Variants in CNTNAP2 observed in about 807,000 individuals in gnomAD.
CNTNAP2 encodes contactin associated protein 2.
In CNTNAP2, 98 loss-of-function variants were observed where a neutral mutation model predicts 155.2. The observed-to-expected ratio is 0.63, with a 90% CI of 0.54 to 0.75. The LOEUF (loss-of-function observed/expected upper bound fraction) is 0.75, where lower values mean the gene tolerates loss of function less well. CNTNAP2 is among the 30% of genes least tolerant of loss of function. The pLI is 0.00. For synonymous variants in CNTNAP2, 651 were observed against 631.2 expected, an observed-to-expected ratio of 1.03 and a Z score of -0.47; for missense variants, 1,727 against 1,688.1, an observed-to-expected ratio of 1.02 and a Z score of -0.40.
At chr7:147,481,656 G>A (rs1798424766) in intron 10 of CNTNAP2, among the ~76,000 whole-genome samples, 2 of 152,180 alleles carry the variant, frequency 1.3e-5, no homozygotes, top group African/African-American at 4.8e-5. Context: ...CTGGAACTAA[G>A]TATGAGTTCG....
chr7:146,182,232 G>A (rs1798559657), intron 1 of CNTNAP2, among the ~76,000 whole-genome samples: 2 of 152,094 alleles, frequency 1.3e-5, no homozygotes, highest in Non-Finnish European at 2.9e-5. Context: ...CTAGAGACAA[G>A]AGAATCTTTT....
At chr7:147,806,002 G>T (rs1798083455) in intron 13 of CNTNAP2, among the ~76,000 whole-genome samples, 2 of 152,124 alleles carry the variant, frequency 1.3e-5, no homozygotes, top group African/African-American at 4.8e-5. Flanking sequence ...TGGAGAAGTA[G>T]GATTACATCA....
chr7:147,351,778 C>T (rs1359444077), intron 9 of CNTNAP2, among the ~76,000 whole-genome samples: 1 of 151,796 alleles, frequency 6.6e-6, no homozygotes, highest in Non-Finnish European at 1.5e-5. Context: ...AAAAGGAAAG[C>T]TTCAAAGCTA....
chr7:147,259,451 A>G (rs1255812160), intron 8 of CNTNAP2, among the ~76,000 whole-genome samples: 2 of 152,252 alleles, frequency 1.3e-5, no homozygotes, highest in East Asian at 1.9e-4. Flanking sequence ...TGACAATGAC[A>G]TCAAGAAAAA....
chr7:147,370,384 C>T (rs1563178904), intron 9 of CNTNAP2, among the ~76,000 whole-genome samples: 1 of 152,284 alleles, frequency 6.6e-6, no homozygotes, highest in East Asian at 1.9e-4. Flanking sequence ...ACCCTTTGCA[C>T]ATCAGTCGTT....
At chr7:147,007,390 ATCTG>A (rs1448888690) in intron 3 of CNTNAP2, among the ~76,000 whole-genome samples, 3 of 152,030 alleles carry the variant, frequency 2.0e-5, no homozygotes, top group South Asian at 4.1e-4. Context: ...CTTTCCTGCT[ATCTG>A]TCTGTCTATC....
intron 3 of CNTNAP2, among the ~76,000 whole-genome samples, chr7:147,040,451 A>AT (rs34880534): frequency 0.015 from 1,219 of 80,864 alleles, 74 homozygotes; most frequent in East Asian, 0.06. Flanking sequence ...TTAAGAGTGA[A>AT]TTTTTTTTTT....
intron 15 of CNTNAP2, among the ~76,000 whole-genome samples, chr7:148,004,425 A>C (rs1036318702): frequency 6.6e-6 from 1 of 152,236 alleles, no homozygotes; most frequent in African/African-American, 2.4e-5. Context: ...TATTAATAAG[A>C]AAAGCTCAAT....
intron 10 of CNTNAP2, among the ~76,000 whole-genome samples, chr7:147,396,394 C>T (rs898406514): frequency 3.3e-5 from 5 of 151,442 alleles, no homozygotes; most frequent in African/African-American, 7.3e-5. Context: ...TTCCAAAACC[C>T]GCTTCTGAAA....
chr7:147,724,096 T>C (rs1796606172), intron 13 of CNTNAP2, among the ~76,000 whole-genome samples: 1 of 151,976 alleles, frequency 6.6e-6, no homozygotes, highest in Admixed American at 6.6e-5. Flanking sequence ...ATAATAATAA[T>C]AATGAGGCTA....
At chr7:148,350,867 C>T (rs181851123) in intron 21 of CNTNAP2, among the ~76,000 whole-genome samples, 82 of 152,212 alleles carry the variant, frequency 5.4e-4, no homozygotes, top group Non-Finnish European at 1.1e-3. Flanking sequence ...GTGAGGTGTC[C>T]CCAGCCCTTT....
At chr7:147,014,983 T>G (rs1447321023) in intron 3 of CNTNAP2, among the ~76,000 whole-genome samples, 1 of 152,106 alleles carries the variant, frequency 6.6e-6, no homozygotes, top group Non-Finnish European at 1.5e-5. Context: ...CAAAATGTCA[T>G]ATAAAAGTTA....
At chr7:146,425,401 C>T (rs568030202) in intron 1 of CNTNAP2, among the ~76,000 whole-genome samples, 1 of 152,218 alleles carries the variant, frequency 6.6e-6, no homozygotes, top group African/African-American at 2.4e-5. Context: ...TCTTAAAAAC[C>T]CCTTTCCAAT....
At chr7:147,429,446 G>T (rs2116525069) in intron 10 of CNTNAP2, among the ~76,000 whole-genome samples, 1 of 151,768 alleles carries the variant, frequency 6.6e-6, no homozygotes, top group Non-Finnish European at 1.5e-5. Context: ...TTTTTTTCTT[G>T]TTGATTTGAG....
At chr7:147,992,087 C>CTTTTTTTTTT (rs36015914) in intron 15 of CNTNAP2, among the ~76,000 whole-genome samples, 7 of 72,774 alleles carry the variant, frequency 9.6e-5, no homozygotes, top group African/African-American at 1.7e-4. Flanking sequence ...ATTACTACCT[C>CTTTTTTTTTT]TTTTTTTTTT....
chr7:147,498,358 G>A (rs1342077006), intron 11 of CNTNAP2, among the ~76,000 whole-genome samples: 1 of 152,100 alleles, frequency 6.6e-6, no homozygotes, highest in African/African-American at 2.4e-5. Context: ...CACTGCTTAT[G>A]ACCTATTTTC....
chr7:148,296,369 G>A (rs916473175), intron 21 of CNTNAP2, among the ~76,000 whole-genome samples: 4 of 149,786 alleles, frequency 2.7e-5, no homozygotes, highest in South Asian at 2.1e-4. Flanking sequence ...GACCCCCCCC[G>A]CCCACCATCT....
chr7:147,322,174 C>T (rs141946654), intron 9 of CNTNAP2, among the ~76,000 whole-genome samples: 1 of 152,260 alleles, frequency 6.6e-6, no homozygotes, highest in East Asian at 1.9e-4. Context: ...AGGCCACTCC[C>T]CTGAAATCTC....
chr7:147,656,420 G>A (rs991458905), intron 13 of CNTNAP2, among the ~76,000 whole-genome samples: 31 of 152,114 alleles, frequency 2.0e-4, no homozygotes, highest in African/African-American at 4.1e-4. Context: ...TAAATTGAGC[G>A]ATGTGTGACT....
Sources: gnomAD v4.1 joint callset for allele counts (sites outside exome capture counted in the v4.1 genomes callset) on GRCh38, gnomAD v4.1.1 for gene constraint, MANE v1.5 for transcripts, NCBI Gene and HGNC (gene_info 2026-07-23, HGNC 2026-07-21) for gene names.